FAM162B: variants seen among roughly 807,000 people sequenced by gnomAD.
The protein encoded by FAM162B is family with sequence similarity 162 member B.
In FAM162B, 16 loss-of-function variants were observed where a neutral mutation model predicts 20.0. The observed-to-expected ratio is 0.80, with a 90% CI of 0.54 to 1.21. FAM162B has a LOEUF of 1.21. FAM162B is among the 50% of genes most tolerant of loss of function. The pLI, the probability that FAM162B is intolerant of heterozygous loss-of-function variation, is 0.00. For missense variants in FAM162B, 260 were observed against 227.5 expected (o/e 1.14, Z -0.92); for synonymous variants, 83 against 89.7 (o/e 0.93, Z 0.42).
chr6:116,765,176 T>C lies in FAM162B; in HGVS notation c.252A>G (p.Lys84=). 8 of 1,613,808 alleles carry C rather than the reference T, an allele frequency of 5.0e-6. No homozygotes were observed. Among genetic ancestry groups the C allele is most frequent in the Non-Finnish European group, 5.9e-6 (7 of 1,179,954 alleles). ...TCCGAGGCGGGATCTCCTCCATCGATTTGAAACGCCCTGTCCACAGCAGGA... is the reference window on the plus strand; with the variant it reads ...TCCGAGGCGGGATCTCCTCCATCGACTTGAAACGCCCTGTCCACAGCAGGA... ...KKILLWTGRF[K]SMEEIPPRIP... Residue 84 remains lysine, a synonymous_variant, in exon 2 of 4, where the codon AAA becomes AAG. Coordinates refer to ENST00000368557, the MANE Select transcript of FAM162B (RefSeq NM_001085480.3).
At chr6:116,762,329 G>C (rs684578) in intron 2 of FAM162B, among the ~76,000 whole-genome samples, 71,983 of 151,914 alleles carry the variant, frequency 0.47, 17,468 homozygotes, top group Middle Eastern at 0.63. Context: ...TAGAATATTA[G>C]TTTCTAATTC....
Position 116,765,192 on chromosome 6 carries a change from C to T in FAM162B, c.236G>A (p.Trp79Ter). 6.2e-7 allele frequency: 1 copy of T among 1,613,942 alleles called. No individual in the cohort carries two copies. Among genetic ancestry groups the T allele is most frequent in the Non-Finnish European group, 8.5e-7 (1 of 1,179,960 alleles). ...PSQFDKKILL[W>*]TGRFKSMEEI... ...CTCCATCGATTTGAAACGCCCTGTC[C>T]ACAGCAGGATTTTCTTGTCGAACTG... Residue 79 changes from tryptophan to a stop codon, truncating the protein, a stop_gained, in exon 2 of 4, where the codon TGG (tryptophan) becomes TAG (stop). Transcript: ENST00000368557. LOFTEE classifies it high-confidence loss of function.
chr6:116,765,144 T>G lies in FAM162B; in HGVS notation c.281+3A>C. The G allele has an allele frequency of 1.2e-6, 2 of 1,612,940 alleles. No individual in the cohort carries two copies. Among genetic ancestry groups the G allele is most frequent in the Non-Finnish European group, 1.7e-6 (2 of 1,179,846 alleles). ...TCCTTCGCGCGGCGGTCGCCACACT[T>G]ACGGGATCCGAGGCGGGATCTCCTC... On this transcript the variant is annotated splice_donor_region_variant and intron_variant, in intron 2 of 3. Transcript: ENST00000368557.
chr6:116,765,689 T>TGCA lies in FAM162B; in HGVS notation c.-116_-114dup. 8.6e-7 allele frequency: 1 copy of TGCA among 1,167,452 alleles called. No individual in the cohort carries two copies. Among genetic ancestry groups the TGCA allele is most frequent in the Non-Finnish European group, 1.1e-6 (1 of 929,064 alleles). The allele number at this position is 1,167,452 out of a possible 1,614,324, so 72.3% of individuals were successfully genotyped here. ...GCCGCGCGCTGGAGAGCCTGGGACG[T>TGCA]GCAGCTGGAACCCCTGGCGCTCGCA... On this transcript the variant is annotated 5_prime_UTR_variant, in exon 1 of 4. Coordinates refer to ENST00000368557, the MANE Select transcript of FAM162B (RefSeq NM_001085480.3).
intron 3 of FAM162B, among the ~76,000 whole-genome samples, chr6:116,758,663 C>A (rs1432971928): frequency 6.6e-6 from 1 of 151,950 alleles, no homozygotes; most frequent in Admixed American, 6.6e-5. Flanking sequence ...ATAAAGAATT[C>A]CCTCATATAT....
intron 3 of FAM162B, among the ~76,000 whole-genome samples, chr6:116,755,110 T>C (rs1411596214): frequency 6.6e-6 from 1 of 152,172 alleles, no homozygotes; most frequent in Non-Finnish European, 1.5e-5. Context: ...GGGTTGTACA[T>C]CTCTCACTTT....
At chr6:116,755,839 T>C (rs1780045246) in intron 3 of FAM162B, among the ~76,000 whole-genome samples, 2 of 152,302 alleles carry the variant, frequency 1.3e-5, no homozygotes, top group South Asian at 4.1e-4. Flanking sequence ...TAATGAAGCC[T>C]GGGTGACAGC....
In FAM162B at chr6:116,765,442, G is replaced by T; in HGVS notation, c.135C>A (p.Ser45Arg). ...GCCCAGAATTGCTGGGGGCCCCGCC[G>T]CTGGAGTAGCAGGGGAGACCCCGGG... ...LPPRGLPCYS[S>R]GGAPSNSGPQ... Residue 45 changes from serine to arginine, a missense_variant, in exon 1 of 4, where the codon AGC becomes AGA. Physicochemically the swap from Ser to Arg is moderately radical, Grantham distance 110. Coordinates refer to ENST00000368557, the MANE Select transcript of FAM162B (RefSeq NM_001085480.3). The T allele has an allele frequency of 6.9e-7, 1 of 1,448,736 alleles. No homozygotes were observed. The allele number at this position is 1,448,736 out of a possible 1,614,324, so 89.7% of individuals were successfully genotyped here. A position where few individuals can be genotyped will look rare whatever the true frequency, so the allele number is the denominator to read the frequency against.
At chr6:116,762,685 A>C (rs1771817571) in intron 2 of FAM162B, among the ~76,000 whole-genome samples, 1 of 152,128 alleles carries the variant, frequency 6.6e-6, no homozygotes, top group African/African-American at 2.4e-5. Context: ...TTGCCGAGGA[A>C]AAAGATAAAA....
rs769897542 is a variant in FAM162B, at chr6:116,762,123, TA to T, written c.282-39del. 4.7e-5 allele frequency: 69 copies of T among 1,466,530 alleles called. No homozygotes were observed. In the South Asian group the frequency reaches 6.7e-4, roughly 14 times the overall value. The allele number at this position is 1,466,530 out of a possible 1,614,324, so 90.8% of individuals were successfully genotyped here. On this transcript the variant is annotated intron_variant, in intron 2 of 3. Transcript: ENST00000368557. ...GTGTATTTTGTTAAATATGTAAAAGTAATATGGTTTTCTGACAGGCATGATA... is the reference window on the plus strand; with the variant it reads ...GTGTATTTTGTTAAATATGTAAAAGTATATGGTTTTCTGACAGGCATGATA...
At chr6:116,762,145 TGATA>T in intron 2 of FAM162B, 60 bp from the exon 3 acceptor site, 3 of 1,369,266 alleles carry the variant, frequency 2.2e-6, no homozygotes, top group South Asian at 1.7e-5. Context: ...CTGACAGGCA[TGATA>T]GATAATTTGC....
intron 3 of FAM162B, among the ~76,000 whole-genome samples, chr6:116,757,492 T>G (rs915409060): frequency 6.6e-6 from 1 of 152,144 alleles, no homozygotes; most frequent in African/African-American, 2.4e-5. Context: ...GTGCCTGTAA[T>G]CCCAGCACTT....
At chr6:116,762,642 T>G (rs886646579) in intron 2 of FAM162B, among the ~76,000 whole-genome samples, 3 of 152,258 alleles carry the variant, frequency 2.0e-5, no homozygotes, top group Admixed American at 6.5e-5. Context: ...TTTGCAATAA[T>G]TTTTTGTTAA....
rs117332214 is a variant in FAM162B, at chr6:116,758,687, T to G, written c.390+3290A>C. On this transcript the variant is annotated intron_variant, in intron 3 of 3. Transcript: ENST00000368557. Reference sequence around the variant, plus strand: ...TCCCTCATATATTCTTTTGGTGATTTTAAGGCTTCACATTTAATGTGAAAA... The same window carrying G: ...TCCCTCATATATTCTTTTGGTGATTGTAAGGCTTCACATTTAATGTGAAAA... 9.5e-3 allele frequency among the ~76,000 whole-genome samples: 1,450 copies of G among 152,324 alleles called. 13 individuals carry two copies. Among genetic ancestry groups the G allele is most frequent in the Non-Finnish European group, 0.015 (1,028 of 68,022 alleles).
chr6:116,760,767 T>A (rs557180061), intron 3 of FAM162B, among the ~76,000 whole-genome samples: 1 of 152,228 alleles, frequency 6.6e-6, no homozygotes, highest in Non-Finnish European at 1.5e-5. Context: ...CATAGATTTT[T>A]TCCATGCTAA....
intron 2 of FAM162B, 121 bp from the exon 3 acceptor site, chr6:116,762,206 G>T: frequency 1.4e-6 from 1 of 694,214 alleles, no homozygotes; most frequent in Non-Finnish European, 2.3e-6. Flanking sequence ...TGCATTTGGT[G>T]ACATTTTCAT....
intron 3 of FAM162B, among the ~76,000 whole-genome samples, chr6:116,761,420 G>A (rs1582436220): frequency 1.3e-5 from 2 of 151,798 alleles, no homozygotes; most frequent in South Asian, 4.1e-4. Context: ...ATAGCTAATT[G>A]AGTTCCTGAT....
chr6:116,759,276 A>G (rs1385907553), intron 3 of FAM162B, among the ~76,000 whole-genome samples: 1 of 144,274 alleles, frequency 6.9e-6, no homozygotes, highest in East Asian at 2.0e-4. Context: ...TTTAAGTAGG[A>G]TCCTTATTTC....
chr6:116,759,508 C>T (rs1290221657), intron 3 of FAM162B, among the ~76,000 whole-genome samples: 4 of 151,544 alleles, frequency 2.6e-5, no homozygotes, highest in Admixed American at 6.6e-5. Flanking sequence ...GGAGCTTCAC[C>T]GTGTTAGCCA....
Sources: gnomAD v4.1 joint callset for allele counts (sites outside exome capture counted in the v4.1 genomes callset) on GRCh38, gnomAD v4.1.1 for gene constraint, MANE v1.5 for transcripts, NCBI Gene and HGNC (gene_info 2026-07-23, HGNC 2026-07-21) for gene names.